The following LETMD1 variants were observed in gnomAD, a reference collection of about 807,000 sequenced individuals.
LETMD1 encodes LETM1 domain-containing protein 1.
In LETMD1, 30 loss-of-function variants were observed where a neutral mutation model predicts 43.9. The ratio of observed to expected loss-of-function variants is 0.68; its 90% CI spans 0.51 to 0.93. LETMD1 has a LOEUF of 0.93. Ranked by LOEUF, LETMD1 falls within the 40% of genes least tolerant of loss-of-function variation. The pLI, the probability that LETMD1 is intolerant of heterozygous loss-of-function variation, is 0.00. For synonymous variants in LETMD1, 176 were observed against 163.1 expected, an observed-to-expected ratio of 1.08 and a Z score of -0.60; for missense variants, 413 against 447.7, an observed-to-expected ratio of 0.92 and a Z score of 0.70.
chr12:51,055,677 A>AAC (rs1947454377), intron 4 of LETMD1, 158 bp from the exon 5 acceptor site: 1 of 424,614 alleles, frequency 2.4e-6, no homozygotes, highest in Non-Finnish European at 4.2e-6. Flanking sequence ...AAAAAAAAAA[A>AAC]AAAAAAAAAA....
Position 51,059,775 on chromosome 12 carries a change from A to T in LETMD1, c.*344A>T. On this transcript the variant is annotated 3_prime_UTR_variant, in exon 9 of 9. Coordinates refer to ENST00000262055, the MANE Select transcript of LETMD1 (RefSeq NM_015416.5). ...GAAGTCAGCTTTTGCCCCAGGTGGG[A>T]ATCCTTATTTGGCTTAGGACTGATC... 1 of 294,656 alleles carries T rather than the reference A, an allele frequency of 3.4e-6. No homozygotes were observed. Among genetic ancestry groups the T allele is most frequent in the South Asian group, 4.0e-5 (1 of 24,876 alleles). The allele number at this position is 294,656 out of a possible 1,614,324, so 18.3% of individuals were successfully genotyped here.
the LETMD1 span, chr12:51,068,018 C>A: frequency 6.4e-7 from 1 of 1,553,156 alleles, no homozygotes; most frequent in Non-Finnish European, 8.8e-7. Context: ...GCGGCATGCA[C>A]CTCCTCAGTG....
In LETMD1 at chr12:51,048,329, C is replaced by T; in HGVS notation, c.-28C>T. On this transcript the variant is annotated 5_prime_UTR_variant, in exon 1 of 9. Transcript: ENST00000262055. ...GTTAACTTTGACCCAAAGACAACCT[C>T]TTCTCTCCCGCTTCTCTCGCTGTGA... is the stretch of plus-strand genomic sequence containing the variant. 2.5e-6 allele frequency: 4 copies of T among 1,614,006 alleles called. No homozygotes were observed. Among genetic ancestry groups the T allele is most frequent in the African/African-American group, 1.3e-5 (1 of 75,032 alleles).
Position 51,058,146 on chromosome 12 carries a change from G to A in LETMD1, c.1012+18G>A, listed in dbSNP as rs1426537467. 6.7e-7 allele frequency: 1 copy of A among 1,489,756 alleles called. No individual in the cohort carries two copies. The highest frequency in any genetic ancestry group is 9.4e-7 in the Non-Finnish European group (1 of 1,066,584). 92.3% of individuals were successfully genotyped at this position (1,489,756 alleles called of 1,614,324 possible). The stretch of plus-strand genomic sequence containing the variant: ...CCTGAAAGGTAAAACACATTTCTGT[G>A]GTTATACCACTAAAATCCAAGTCAC... On this transcript the variant is annotated intron_variant, in intron 8 of 8. Transcript: ENST00000262055.
chr12:51,061,385 T>C (rs1948824929), downstream of LETMD1: 2 of 152,322 alleles, frequency 1.3e-5, no homozygotes, highest in Non-Finnish European at 2.9e-5. Flanking sequence ...ATAATAAGGG[T>C]TGTGGTAATA....
chr12:51,049,080 A>G lies in LETMD1; in HGVS notation c.169A>G (p.Met57Val), dbSNP rs540307029. The G allele has an allele frequency of 1.9e-6, 3 of 1,613,880 alleles. No homozygotes were observed. Among genetic ancestry groups the G allele is most frequent in the Non-Finnish European group, 2.5e-6 (3 of 1,179,840 alleles). Residue 57 changes from methionine (M) to valine (V), a missense_variant, in exon 2 of 9, where the codon ATG (methionine) becomes GTG (valine). Coordinates refer to ENST00000262055, the MANE Select transcript of LETMD1 (RefSeq NM_015416.5). ...LSPKADVKNL[M>V]SYVVTKTKAI... ...TCCAAAGGCAGATGTGAAGAACTTG[A>G]TGTCTTATGTGGTAACCAAGACAAA...
At position 51,052,093 on chromosome 12, in the gene LETMD1, AT is replaced by A; in HGVS notation, c.278del (p.Leu93CysfsTer14). 1 of 1,613,436 alleles carries A rather than the reference AT, an allele frequency of 6.2e-7. No individual in the cohort carries two copies. The stretch of plus-strand genomic sequence containing the variant: ...CTGTCCTCTACTTTAATGAGGCAGG[AT>A]TGCAGATGTTATGGGCTGATGCCAA... ...YVLYTIFMKG[L>X]QMLWADAKKA... On this transcript the variant is annotated frameshift_variant and splice_region_variant, in exon 3 of 9. Transcript: ENST00000262055. LOFTEE classifies it high-confidence loss of function.
At chr12:51,066,996 A>G in the LETMD1 span, among the ~76,000 whole-genome samples, 1 of 141,942 alleles carries the variant, frequency 7.0e-6, no homozygotes, top group Non-Finnish European at 1.5e-5. Flanking sequence ...TGTCCAGCTA[A>G]TTTTTGTATT....
At chr12:51,053,637 C>T (rs1440192612) in intron 3 of LETMD1, 141 bp from the exon 4 acceptor site, 1 of 631,212 alleles carries the variant, frequency 1.6e-6, no homozygotes, top group Non-Finnish European at 2.8e-6. Flanking sequence ...AGCAAGACTC[C>T]ATCTCAAAAA....
At chr12:51,067,713 G>GGGTCACAATACAGTCGGC in the LETMD1 span, 1 of 1,614,152 alleles carries the variant, frequency 6.2e-7, no homozygotes. This position sits in a 1 kb window ranked among gnomAD's most constrained non-coding sequence, Gnocchi z 4.1. Context: ...ACACGCTTCT[G>GGGTCACAATACAGTCGGC]GGTCACAATA....
intron 4 of LETMD1, among the ~76,000 whole-genome samples, chr12:51,054,080 T>C (rs932394717): frequency 1.3e-5 from 2 of 152,086 alleles, no homozygotes; most frequent in African/African-American, 2.4e-5. Flanking sequence ...ACTCTCCCTA[T>C]CTCTTAGCTG....
In LETMD1 at chr12:51,058,085, A is replaced by C; in HGVS notation, c.969A>C (p.Arg323=). The C allele has an allele frequency of 6.2e-7, 1 of 1,614,000 alleles. No homozygotes were observed. Among genetic ancestry groups the C allele is most frequent in the Middle Eastern group, 1.6e-4 (1 of 6,062 alleles). ...NSTHIGEDRC[R]TWLGEWLQIS... ...CGCATATTGGTGAAGATAGGTGTCG[A>C]ACTTGGCTGGGAGAATGGCTGCAGA... Residue 323 remains arginine, a synonymous_variant, in exon 8 of 9, where the codon CGA becomes CGC. Coordinates refer to ENST00000262055, the MANE Select transcript of LETMD1 (RefSeq NM_015416.5).
chr12:51,063,636 TA>T, downstream of LETMD1: 1 of 879,556 alleles, frequency 1.1e-6, no homozygotes, highest in Non-Finnish European at 1.7e-6. Flanking sequence ...AAGACCCCAA[TA>T]AAATAACATG....
chr12:51,050,460 A>C (rs557751810), intron 2 of LETMD1, among the ~76,000 whole-genome samples: 6 of 151,712 alleles, frequency 4.0e-5, no homozygotes, highest in African/African-American at 1.4e-4. Context: ...TGACCTCGTG[A>C]TCCGCCTGCC....
At chr12:51,063,631 C>G (rs112998981), downstream of LETMD1, 1 of 821,452 alleles carries the variant, frequency 1.2e-6, no homozygotes, top group East Asian at 2.7e-5. Flanking sequence ...CCCCAAAGAC[C>G]CCAATAAAAT....
At chr12:51,067,546 G>A in the LETMD1 span, 1 of 854,462 alleles carries the variant, frequency 1.2e-6, no homozygotes, top group African/African-American at 1.7e-5. This position sits in a 1 kb window ranked among gnomAD's most constrained non-coding sequence, Gnocchi z 4.1. Flanking sequence ...GGAGGGTTGT[G>A]GAACTGGAGA....
At chr12:51,053,942 T>C (rs2136633046) in intron 4 of LETMD1, 82 bp downstream of exon 4, 1 of 885,978 alleles carries the variant, frequency 1.1e-6, no homozygotes, top group Non-Finnish European at 1.8e-6. Context: ...ACAGCACTCA[T>C]TTCAGAAGAT....
chr12:51,065,996 G>A, the LETMD1 span, among the ~76,000 whole-genome samples: 1 of 152,174 alleles, frequency 6.6e-6, no homozygotes. Flanking sequence ...GTTTTCAACT[G>A]AAATGTGTCT....
chr12:51,067,954 T>A, the LETMD1 span: 5 of 1,613,474 alleles, frequency 3.1e-6, no homozygotes, highest in Non-Finnish European at 3.4e-6. The surrounding 1 kb of genome is among the most constrained non-coding windows in gnomAD (Gnocchi z 4.1). Context: ...GACTCCACTG[T>A]CCCATTCTTG....
Sources: allele counts gnomAD v4.1 joint callset (sites outside exome capture counted in the v4.1 genomes callset), GRCh38; gene constraint gnomAD v4.1.1; non-coding constraint Gnocchi (gnomAD v3.1); transcripts MANE v1.5; gene names NCBI Gene and HGNC (gene_info 2026-07-23, HGNC 2026-07-21).